Variants in MYO9B observed in about 807,000 individuals in gnomAD.
The protein encoded by MYO9B is unconventional myosin-IXb.
Under a neutral mutation model 229.5 loss-of-function variants are expected in MYO9B, and 71 were observed. The ratio of observed to expected loss-of-function variants is 0.31; its 90% CI spans 0.26 to 0.38. The LOEUF (loss-of-function observed/expected upper bound fraction) is 0.38. MYO9B is among the 10% of genes least tolerant of loss of function. The probability of loss-of-function intolerance (pLI) is 1.00; values close to 1 mark genes in which losing one functional copy is unlikely to be tolerated. For missense variants in MYO9B, 2,255 were observed against 2,920.5 expected (o/e 0.77, Z 5.25); for synonymous variants, 1,185 against 1,235.8 (o/e 0.96, Z 0.86).
chr19:17,170,734 G>A (rs1463258127), intron 11 of MYO9B, among the ~76,000 whole-genome samples: 1 of 149,694 alleles, frequency 6.7e-6, no homozygotes, highest in Non-Finnish European at 1.5e-5. Context: ...TGAGGCAGGA[G>A]GATCACTTGA....
chr19:17,121,664 T>C (rs1172535825), intron 2 of MYO9B, among the ~76,000 whole-genome samples: 6 of 152,146 alleles, frequency 3.9e-5, no homozygotes, highest in Admixed American at 1.3e-4. Flanking sequence ...TACCTTTCTT[T>C]ACATGTGCAA....
At chr19:17,100,609 A>G (rs1199302733) in intron 1 of MYO9B, among the ~76,000 whole-genome samples, 4 of 152,174 alleles carry the variant, frequency 2.6e-5, no homozygotes, top group African/African-American at 4.8e-5. Flanking sequence ...AGGGAGTCCT[A>G]TCGCATTGAG....
At chr19:17,157,292 C>T in intron 7 of MYO9B, 2 of 398,562 alleles carry the variant, frequency 5.0e-6, no homozygotes, top group South Asian at 3.3e-5. Flanking sequence ...TGCGGTGTCT[C>T]ACCTGTAATC....
chr19:17,144,402 C>G (rs1349878834), intron 2 of MYO9B, among the ~76,000 whole-genome samples: 2 of 150,128 alleles, frequency 1.3e-5, no homozygotes, highest in African/African-American at 2.5e-5. Flanking sequence ...CTCAGGAGTT[C>G]CAGACCAGCC....
At chr19:17,171,781 T>A (rs2072727499) in intron 11 of MYO9B, among the ~76,000 whole-genome samples, 1 of 151,962 alleles carries the variant, frequency 6.6e-6, no homozygotes, top group Non-Finnish European at 1.5e-5. Flanking sequence ...GCAAGTCCCC[T>A]TCTCTTAAGA....
At chr19:17,171,610 G>A (rs1297487772) in intron 11 of MYO9B, among the ~76,000 whole-genome samples, 1 of 152,148 alleles carries the variant, frequency 6.6e-6, no homozygotes, top group Admixed American at 6.6e-5. Context: ...ATGTGGGGTC[G>A]AAGAGAGTGA....
At chr19:17,159,693 T>C (rs2072576817) in intron 8 of MYO9B, among the ~76,000 whole-genome samples, 1 of 152,254 alleles carries the variant, frequency 6.6e-6, no homozygotes. Flanking sequence ...TTGAGCCACA[T>C]GCATTCAACT....
chr19:17,121,463 A>ATATATATATATCTC (rs1030275525), intron 2 of MYO9B, among the ~76,000 whole-genome samples: 90 of 149,992 alleles, frequency 6.0e-4, no homozygotes, highest in African/African-American at 2.0e-3. Flanking sequence ...ATATATATAT[A>ATATATATATATCTC]TCCAAGAGCT....
intron 1 of MYO9B, among the ~76,000 whole-genome samples, chr19:17,084,518 C>T (rs186562134): frequency 2.6e-5 from 4 of 151,904 alleles, no homozygotes; most frequent in Admixed American, 2.6e-4. Flanking sequence ...CCAGCATTTC[C>T]AGCCTCAACC....
chr19:17,094,327 G>A (rs1038643627), intron 1 of MYO9B, among the ~76,000 whole-genome samples: 1 of 152,064 alleles, frequency 6.6e-6, no homozygotes, highest in African/African-American at 2.4e-5. Context: ...GAGCCACCAC[G>A]CTCGGCCAAG....
At chr19:17,123,823 G>A (rs550932396) in intron 2 of MYO9B, among the ~76,000 whole-genome samples, 56 of 152,288 alleles carry the variant, frequency 3.7e-4, no homozygotes, top group African/African-American at 1.2e-3. Context: ...GGCAGACATT[G>A]TGGCCATATC....
Position 17,195,573 on chromosome 19 carries a change from G to A in MYO9B, c.4046+100G>A. 2 of 1,425,258 alleles carry A rather than the reference G, an allele frequency of 1.4e-6. No individual in the cohort carries two copies. Among genetic ancestry groups the A allele is most frequent in the Non-Finnish European group, 9.5e-7 (1 of 1,056,954 alleles). 88.3% of individuals were successfully genotyped at this position (1,425,258 alleles called of 1,614,324 possible). On this transcript the variant is annotated intron_variant, in intron 22 of 39. Coordinates refer to ENST00000682292, the MANE Select transcript of MYO9B (RefSeq NM_004145.4). This position sits in a 1 kb window ranked among gnomAD's most constrained non-coding sequence, Gnocchi z 4.5. ...ATCCTGGAAACACATGTGTAATCAT[G>A]CCCAGTGGGTGTGCGGGAGGCCTGA... is the stretch of plus-strand genomic sequence containing the variant.
At chr19:17,159,520 C>T (rs2072575116) in intron 8 of MYO9B, 36 bp downstream of exon 8, 1 of 1,556,842 alleles carries the variant, frequency 6.4e-7, no homozygotes, top group African/African-American at 1.4e-5. Context: ...GGTGCCAGAT[C>T]CCAAAAACCA....
Position 17,133,466 on chromosome 19 carries a change from C to T in MYO9B, c.841-11931C>T, listed in dbSNP as rs1568266713. Reference sequence around the variant, plus strand: ...TAACCAGTATTCTACTTTCTACTTCCGTTTTTTTGAGACAGGGTCTCGCTC... The same window carrying T: ...TAACCAGTATTCTACTTTCTACTTCTGTTTTTTTGAGACAGGGTCTCGCTC... On this transcript the variant is annotated intron_variant, in intron 2 of 39. Coordinates refer to ENST00000682292, the MANE Select transcript of MYO9B (RefSeq NM_004145.4). 1.3e-5 allele frequency among the ~76,000 whole-genome samples: 2 copies of T among 151,922 alleles called. 1 individual carries two copies. The highest frequency in any genetic ancestry group is 4.1e-4 in the South Asian group (2 of 4,822).
At chr19:17,203,539 G>T (rs2073129646) in intron 30 of MYO9B, among the ~76,000 whole-genome samples, 1 of 151,738 alleles carries the variant, frequency 6.6e-6, no homozygotes, top group Non-Finnish European at 1.5e-5. Flanking sequence ...CTTGAACCTG[G>T]GAGGCGAAGG....
intron 2 of MYO9B, among the ~76,000 whole-genome samples, chr19:17,112,233 C>T (rs2057854066): frequency 6.6e-6 from 1 of 152,156 alleles, no homozygotes. Flanking sequence ...CAGTCCTCTC[C>T]AGCAGGCTGC....
At chr19:17,105,620 C>T (rs1430115571) in intron 2 of MYO9B, among the ~76,000 whole-genome samples, 1 of 152,156 alleles carries the variant, frequency 6.6e-6, no homozygotes, top group Non-Finnish European at 1.5e-5. Context: ...TGAGAGCCCC[C>T]TCAGTGGAGA....
At position 17,155,977 on chromosome 19, in the gene MYO9B, G is replaced by A. The variant is rs140501501; in HGVS notation, c.1200-932G>A. Among the ~76,000 whole-genome samples, 736 of 149,088 alleles carry A rather than the reference G, an allele frequency of 4.9e-3. 2 individuals are homozygous for A. The highest frequency in any genetic ancestry group is 0.017 in the African/African-American group (703 of 40,366). On this transcript the variant is annotated intron_variant, in intron 6 of 39. Transcript: ENST00000682292. ...AGAGGCTGCCGTGAGCCGAGATTGC[G>A]CCACTGCACTCCAGCCTGGGTGACA...
intron 17 of MYO9B, among the ~76,000 whole-genome samples, chr19:17,185,624 T>A (rs1568291475): frequency 6.6e-6 from 1 of 151,448 alleles, no homozygotes; most frequent in Non-Finnish European, 1.5e-5. Flanking sequence ...GTTTCAAATC[T>A]CCAGAAAGCG....
Sources: gnomAD v4.1 joint callset for allele counts (sites outside exome capture counted in the v4.1 genomes callset) on GRCh38, gnomAD v4.1.1 for gene constraint, Gnocchi (gnomAD v3.1) non-coding constraint, MANE v1.5 for transcripts, NCBI Gene and HGNC (gene_info 2026-07-23, HGNC 2026-07-21) for gene names.